CSMD1: variants seen among roughly 807,000 people sequenced by gnomAD.
CSMD1 encodes CUB and sushi domain-containing protein 1.
In CSMD1, 213 loss-of-function variants were observed where a neutral mutation model predicts 417.5. That is an observed-to-expected ratio of 0.51 (90% CI 0.46 to 0.57). CSMD1 has a LOEUF of 0.57. Ranked by LOEUF, CSMD1 falls within the 20% of genes least tolerant of loss-of-function variation. The pLI, the probability that CSMD1 is intolerant of heterozygous loss-of-function variation, is 0.00. For synonymous variants in CSMD1, 2,862 were observed against 1,736.8 expected (o/e 1.65, Z -16.11); for missense variants, 6,923 against 4,529.7 (o/e 1.53, Z -15.17).
chr8:3,414,137 A>G (rs1311585642), intron 12 of CSMD1, among the ~76,000 whole-genome samples: 4 of 135,514 alleles, frequency 3.0e-5, no homozygotes, highest in Admixed American at 1.6e-4. Context: ...AGACTCCGTT[A>G]AAGAAAAGAA....
intron 23 of CSMD1, among the ~76,000 whole-genome samples, chr8:3,341,347 A>C (rs1807629318): frequency 6.6e-6 from 1 of 152,202 alleles, no homozygotes; most frequent in Non-Finnish European, 1.5e-5. Context: ...ATTGATTCCA[A>C]GCCCCTGAAA....
At chr8:4,140,985 A>G (rs747020052) in intron 3 of CSMD1, among the ~76,000 whole-genome samples, 25 of 151,262 alleles carry the variant, frequency 1.7e-4, no homozygotes, top group Non-Finnish European at 3.5e-4. Flanking sequence ...AAAACATAAA[A>G]GATTTAGGCA....
chr8:3,768,649 G>A (rs996706594), intron 5 of CSMD1, among the ~76,000 whole-genome samples: 27 of 152,140 alleles, frequency 1.8e-4, no homozygotes, highest in African/African-American at 6.5e-4. Context: ...ACTTGCTCCA[G>A]AAGCTCAGAA....
intron 3 of CSMD1, among the ~76,000 whole-genome samples, chr8:4,106,967 C>T (rs764543861): frequency 1.3e-5 from 2 of 152,186 alleles, no homozygotes; most frequent in Non-Finnish European, 2.9e-5. Flanking sequence ...AGAAGCTCTA[C>T]GTCAGAGACT....
At chr8:3,497,135 T>C (rs955857619) in intron 10 of CSMD1, among the ~76,000 whole-genome samples, 49 of 152,268 alleles carry the variant, frequency 3.2e-4, no homozygotes, top group Middle Eastern at 3.4e-3. Context: ...TTGGATGAAA[T>C]GTTCTGTAAA....
chr8:4,023,315 G>T (rs765161517), intron 4 of CSMD1, among the ~76,000 whole-genome samples: 2 of 152,132 alleles, frequency 1.3e-5, no homozygotes, highest in African/African-American at 2.4e-5. Flanking sequence ...CTTGAGCAAA[G>T]AGTATTTCTG....
intron 30 of CSMD1, among the ~76,000 whole-genome samples, chr8:3,205,921 G>A (rs1489697061): frequency 6.6e-6 from 1 of 152,082 alleles, no homozygotes; most frequent in Non-Finnish European, 1.5e-5. Context: ...AAAGACAAAT[G>A]ATTAAATTAT....
intron 6 of CSMD1, among the ~76,000 whole-genome samples, chr8:3,717,532 GAT>G (rs1801910445): frequency 6.6e-6 from 1 of 152,156 alleles, no homozygotes; most frequent in South Asian, 2.1e-4. Flanking sequence ...GGCCATGAAA[GAT>G]TAGGTTCACA....
At chr8:3,894,564 T>C (rs917114958) in intron 5 of CSMD1, among the ~76,000 whole-genome samples, 2 of 152,194 alleles carry the variant, frequency 1.3e-5, no homozygotes, top group African/African-American at 2.4e-5. Context: ...CTAAAATAGA[T>C]TTCTACATCC....
chr8:4,132,350 T>C (rs779975911), intron 3 of CSMD1, among the ~76,000 whole-genome samples: 33 of 152,304 alleles, frequency 2.2e-4, no homozygotes, highest in Non-Finnish European at 4.1e-4. Flanking sequence ...TCCTTTTCTG[T>C]ATTTCTTGTA....
intron 1 of CSMD1, among the ~76,000 whole-genome samples, chr8:4,778,192 A>G (rs1466899764): frequency 6.6e-6 from 1 of 152,228 alleles, no homozygotes; most frequent in African/African-American, 2.4e-5. Flanking sequence ...TCCATTCATT[A>G]AAATTACTTA....
At chr8:4,398,572 T>C (rs1010384613) in intron 3 of CSMD1, among the ~76,000 whole-genome samples, 1 of 151,874 alleles carries the variant, frequency 6.6e-6, no homozygotes, top group Admixed American at 6.6e-5. Context: ...TTTTTTTGTA[T>C]TTTTAGTAGA....
At chr8:4,437,182 T>G (rs10091105) in intron 2 of CSMD1, among the ~76,000 whole-genome samples, 3,572 of 152,296 alleles carry the variant, frequency 0.023, 120 homozygotes, top group African/African-American at 0.079. Context: ...AAAGCAAAAC[T>G]TTGTTGTCTC....
chr8:4,410,447 G>T (rs978423599), intron 3 of CSMD1, among the ~76,000 whole-genome samples: 1 of 152,142 alleles, frequency 6.6e-6, no homozygotes, highest in Non-Finnish European at 1.5e-5. Context: ...CGTCCAGATA[G>T]TATATAGCCA....
At chr8:4,288,393 C>T (rs1161247109) in intron 3 of CSMD1, among the ~76,000 whole-genome samples, 1 of 152,142 alleles carries the variant, frequency 6.6e-6, no homozygotes, top group East Asian at 1.9e-4. Context: ...CAAGAATGAC[C>T]TACAAATATC....
At chr8:4,474,853 T>C (rs778618376) in intron 2 of CSMD1, among the ~76,000 whole-genome samples, 10 of 152,228 alleles carry the variant, frequency 6.6e-5, no homozygotes, top group Non-Finnish European at 1.2e-4. Context: ...ATATTTTCTC[T>C]TCCTTATGAC....
intron 3 of CSMD1, among the ~76,000 whole-genome samples, chr8:4,100,995 T>C (rs532073224): frequency 6.6e-6 from 1 of 152,148 alleles, no homozygotes; most frequent in African/African-American, 2.4e-5. Context: ...CTGAACTGCG[T>C]AGTCCTAGAA....
At chr8:4,787,729 T>C (rs1797481453) in intron 1 of CSMD1, 1 of 1,589,286 alleles carries the variant, frequency 6.3e-7, no homozygotes, top group Non-Finnish European at 8.6e-7. Flanking sequence ...TGACCCACAG[T>C]GGTCTGAGGA....
intron 3 of CSMD1, among the ~76,000 whole-genome samples, chr8:4,357,461 C>G (rs1403203764): frequency 2.0e-5 from 3 of 152,138 alleles, no homozygotes; most frequent in Non-Finnish European, 2.9e-5. Flanking sequence ...AGATACTTCT[C>G]TCCTACCATC....
Sources: gnomAD v4.1 joint callset for allele counts (sites outside exome capture counted in the v4.1 genomes callset) on GRCh38, gnomAD v4.1.1 for gene constraint, MANE v1.5 for transcripts, NCBI Gene and HGNC (gene_info 2026-07-23, HGNC 2026-07-21) for gene names.